Variants in CYP2W1 observed in about 807,000 individuals in gnomAD.
CYP2W1 encodes cytochrome P450 2W1.
In CYP2W1, 51 loss-of-function variants were observed where a neutral mutation model predicts 44.9. The observed-to-expected ratio is 1.14, with a 90% CI of 0.91 to 1.43. CYP2W1 has a LOEUF of 1.43. Ranked by LOEUF, CYP2W1 falls within the 40% of genes most tolerant of loss-of-function variation. The pLI, the probability that CYP2W1 is intolerant of heterozygous loss-of-function variation, is 0.00. For synonymous variants in CYP2W1, 383 were observed against 338.3 expected, an observed-to-expected ratio of 1.13 and a Z score of -1.45; for missense variants, 746 against 700.0, an observed-to-expected ratio of 1.07 and a Z score of -0.74.
At position 985,014 on chromosome 7, in the gene CYP2W1, C is replaced by G. The variant is rs1331293148; in HGVS notation, c.402C>G (p.His134Gln). ...GCCAGTTCACGGTGCGTGCCCTGCA[C>G]AGCCTGGGCGTGGGCCGGGAGCCGG... ...AARQFTVRAL[H>Q]SLGVGREPVA... Residue 134 changes from histidine to glutamine, a missense_variant, in exon 3 of 9, where the codon CAC (histidine) becomes CAG (glutamine). Physicochemically the swap from His to Gln is conservative, Grantham distance 24 (BLOSUM62 0). Transcript: ENST00000308919. 3 of 1,611,810 alleles carry G rather than the reference C, an allele frequency of 1.9e-6. No homozygotes were observed. The African/African-American group carries it at 4.0e-5, about 22-fold the overall frequency.
At chr7:983,928 G>A (rs1484762197) in intron 1 of CYP2W1, among the ~76,000 whole-genome samples, 1 of 152,208 alleles carries the variant, frequency 6.6e-6, no homozygotes, top group African/African-American at 2.4e-5. Flanking sequence ...AGGCAGGCAG[G>A]GTCAGTGGGA....
chr7:984,486 G>A lies in CYP2W1; in HGVS notation c.249G>A (p.Glu83=). 1.3e-6 allele frequency: 2 copies of A among 1,552,318 alleles called. No homozygotes were observed. Among genetic ancestry groups the A allele is most frequent in the East Asian group, 2.4e-5 (1 of 41,260 alleles). ...RQKTVVLTGF[E]AVKEALAGPG... is the part of the protein sequence containing the mutation. Reference sequence around the variant, plus strand: ...AGACGGTGGTGCTGACGGGGTTCGAGGCGGTCAAAGAGGCGCTGGCGGGCC... The same window carrying A: ...AGACGGTGGTGCTGACGGGGTTCGAAGCGGTCAAAGAGGCGCTGGCGGGCC... Residue 83 remains glutamate, a synonymous_variant, in exon 2 of 9, where the codon GAG becomes GAA. Transcript: ENST00000308919.
Position 983,369 on chromosome 7 carries a change from A to G in CYP2W1, c.158A>G (p.Asp53Gly). 2 of 1,525,682 alleles carry G rather than the reference A, an allele frequency of 1.3e-6. No individual in the cohort carries two copies. Among genetic ancestry groups the G allele is most frequent in the South Asian group, 2.4e-5 (2 of 82,896 alleles). 94.5% of individuals were successfully genotyped at this position (1,525,682 alleles called of 1,614,324 possible). ...CACTTGCTGCGTCTGTCGCAACAGG[A>G]CCGGTCCCTGATGGAGGTAAGTCAG... ...NLHLLRLSQQ[D>G]RSLMELSERY... Residue 53 changes from aspartate (D) to glycine (G), a missense_variant, in exon 1 of 9, where the codon GAC becomes GGC. Transcript: ENST00000308919.
At chr7:987,635 C>T in intron 7 of CYP2W1, 104 bp downstream of exon 7, 1 of 1,137,714 alleles carries the variant, frequency 8.8e-7, no homozygotes, top group Non-Finnish European at 1.2e-6. Flanking sequence ...GCCTGATGGC[C>T]CAGCGCTCCC....
In CYP2W1 at chr7:987,118, C is replaced by G; in HGVS notation, c.831C>G (p.Pro277=). 6.4e-7 allele frequency: 1 copy of G among 1,559,848 alleles called. No individual in the cohort carries two copies. The highest frequency in any genetic ancestry group is 1.2e-5 in the South Asian group (1 of 84,656). The change falls in exon 6 of 9, where the codon CCC becomes CCG. Residue 277 remains proline, a synonymous_variant. Coordinates refer to ENST00000308919, the MANE Select transcript of CYP2W1 (RefSeq NM_017781.3). ...CCACGCCTCTGCAGGGGGATGACCCCGAGGGCCTGTTTGCTGAGGCCAACG... is the reference window on the plus strand; with the variant it reads ...CCACGCCTCTGCAGGGGGATGACCCGGAGGGCCTGTTTGCTGAGGCCAACG... The part of the protein sequence containing the change: ...ALIQQGQGDD[P]EGLFAEANAV...
In CYP2W1 at chr7:987,334, C is replaced by T; in HGVS notation, c.959-13C>T. On this transcript the variant is annotated splice_polypyrimidine_tract_variant and intron_variant, in intron 6 of 8. Transcript: ENST00000308919. Reference sequence around the variant, plus strand: ...ATGGCGCTGCCACCCAAGCGGCCCACCCTTTGCCCCAGGCCGGGTGCAGGA... The same window carrying T: ...ATGGCGCTGCCACCCAAGCGGCCCATCCTTTGCCCCAGGCCGGGTGCAGGA... The T allele has an allele frequency of 6.4e-7, 1 of 1,566,374 alleles. No individual in the cohort carries two copies. Among genetic ancestry groups the T allele is most frequent in the East Asian group, 2.3e-5 (1 of 43,664 alleles).
rs1300101727 is a variant in CYP2W1 at position 988,997 on chromosome 7, C to G, written c.*175C>G. The G allele has an allele frequency of 1.9e-5, 11 of 567,624 alleles. No individual in the cohort carries two copies. The highest frequency in any genetic ancestry group is 3.1e-5 in the Non-Finnish European group (10 of 318,782). The allele number at this position is 567,624 out of a possible 1,614,324, so 35.2% of individuals were successfully genotyped here. A position where few individuals can be genotyped will look rare whatever the true frequency, so the allele number is the denominator to read the frequency against. ...GCTTCCGGTTACACCCAGGACTACC[C>G]CTGCCCGACCCTGTGGGACCCCCAC... On this transcript the variant is annotated 3_prime_UTR_variant, in exon 9 of 9. Transcript: ENST00000308919.
At chr7:985,625 G>A (rs1848280393) in intron 4 of CYP2W1, among the ~76,000 whole-genome samples, 3 of 152,028 alleles carry the variant, frequency 2.0e-5, no homozygotes, top group Admixed American at 6.5e-5. Flanking sequence ...CCAGAATTGC[G>A]GGGGGCTCCA....
Position 988,617 on chromosome 7 carries a change from C to T in CYP2W1, c.1286-18C>T, listed in dbSNP as rs747962014. Reference sequence around the variant, plus strand: ...CAGGCCTGGTGCAGCCCACTCTGTGCCTGGACATCCCCCGCAGGCCGCCGC... The same window carrying T: ...CAGGCCTGGTGCAGCCCACTCTGTGTCTGGACATCCCCCGCAGGCCGCCGC... On this transcript the variant is annotated intron_variant, in intron 8 of 8. Transcript: ENST00000308919. 13 of 1,603,728 alleles carry T rather than the reference C, an allele frequency of 8.1e-6. No homozygotes were observed. Among genetic ancestry groups the T allele is most frequent in the Non-Finnish European group, 1.0e-5 (12 of 1,178,948 alleles).
Position 986,798 on chromosome 7 carries a change from G to T in CYP2W1, c.819+1G>T. 2 of 1,553,550 alleles carry T rather than the reference G, an allele frequency of 1.3e-6. No homozygotes were observed. The highest frequency in any genetic ancestry group is 1.7e-6 in the Non-Finnish European group (2 of 1,149,230). ...GGACGCCCTGATCCAGCAGGGACAG[G>T]TGTGTCGGGACCCAAGACCTCCTTG... On this transcript the variant is annotated splice_donor_variant, in intron 5 of 8. Transcript: ENST00000308919. LOFTEE classifies it high-confidence loss of function.
At chr7:988,526 T>C (rs1213765504) in intron 8 of CYP2W1, 108 bp downstream of exon 8, 1 of 1,597,172 alleles carries the variant, frequency 6.3e-7, no homozygotes, top group East Asian at 2.2e-5. Context: ...TCTCAGGTTC[T>C]GAAGGCGGCT....
intron 8 of CYP2W1, 107 bp downstream of exon 8, chr7:988,525 C>T (rs1470196694): frequency 6.3e-7 from 1 of 1,596,920 alleles, no homozygotes; most frequent in Admixed American, 1.7e-5. Flanking sequence ...ATCTCAGGTT[C>T]TGAAGGCGGC....
intron 4 of CYP2W1, among the ~76,000 whole-genome samples, 190 bp downstream of exon 4, chr7:985,513 CCT>C (rs1050010540): frequency 1.4e-4 from 22 of 152,214 alleles, no homozygotes; most frequent in Admixed American, 1.2e-3. Context: ...CAAACCAGCC[CCT>C]GTGCTCTCCA....
chr7:985,479 C>T (rs533117812), intron 4 of CYP2W1, among the ~76,000 whole-genome samples, 156 bp downstream of exon 4: 12 of 152,172 alleles, frequency 7.9e-5, no homozygotes, highest in South Asian at 2.1e-4. Flanking sequence ...AGGACCCATC[C>T]GACGTTAGCT....
At position 989,068 on chromosome 7, in the gene CYP2W1, C is replaced by T. The variant is rs1562957836; in HGVS notation, c.*246C>T. On this transcript the variant is annotated 3_prime_UTR_variant, in exon 9 of 9. Coordinates refer to ENST00000308919, the MANE Select transcript of CYP2W1 (RefSeq NM_017781.3). Reference sequence around the variant, plus strand: ...CTCAGTCCCTGCCAGCCCCCAGGAGCGCCTCCAGGGCCCCGCCCACTCTCC... The same window carrying T: ...CTCAGTCCCTGCCAGCCCCCAGGAGTGCCTCCAGGGCCCCGCCCACTCTCC... The T allele has an allele frequency of 1.7e-5, 8 of 459,230 alleles. No homozygotes were observed. Among genetic ancestry groups the T allele is most frequent in the South Asian group, 1.1e-4 (2 of 17,746 alleles). The allele number at this position is 459,230 out of a possible 1,614,324, so 28.4% of individuals were successfully genotyped here. A position where few individuals can be genotyped will look rare whatever the true frequency, so the allele number is the denominator to read the frequency against.
chr7:983,192 GC>G lies in CYP2W1; in HGVS notation c.-18del. ...GGACGGGGCCCAGGAGGGGAGTGGAGCCTCACCAGCCACGTCCTCATGGCCC... is the reference window on the plus strand; with the variant it reads ...GGACGGGGCCCAGGAGGGGAGTGGAGCTCACCAGCCACGTCCTCATGGCCC... On this transcript the variant is annotated 5_prime_UTR_variant, in exon 1 of 9. Coordinates refer to ENST00000308919, the MANE Select transcript of CYP2W1 (RefSeq NM_017781.3). 6.8e-7 allele frequency: 1 copy of G among 1,468,156 alleles called. No individual in the cohort carries two copies. The highest frequency in any genetic ancestry group is 9.1e-7 in the Non-Finnish European group (1 of 1,100,772). The allele number at this position is 1,468,156 out of a possible 1,614,324, so 90.9% of individuals were successfully genotyped here.
chr7:983,430 C>G (rs921542687), intron 1 of CYP2W1, 45 bp downstream of exon 1: 1 of 1,401,576 alleles, frequency 7.1e-7, no homozygotes, highest in Non-Finnish European at 9.4e-7. Flanking sequence ...GGACAGCTGC[C>G]GTGTCCTGGC....
In CYP2W1 at chr7:988,351, C is replaced by T; in HGVS notation, c.1218C>T (p.Asn406=). Residue 406 remains asparagine (N), a synonymous_variant, in exon 8 of 9, where the codon AAC becomes AAT. Transcript: ENST00000308919. The part of the protein sequence containing the change: ...ETQWQTPGQF[N]PGHFLDANGH... ...AGTGGCAGACCCCAGGCCAGTTCAA[C>T]CCCGGCCATTTCCTGGACGCGAATG... The T allele has an allele frequency of 6.2e-7, 1 of 1,612,648 alleles. No individual in the cohort carries two copies. The highest frequency in any genetic ancestry group is 8.5e-7 in the Non-Finnish European group (1 of 1,179,798).
intron 1 of CYP2W1, among the ~76,000 whole-genome samples, chr7:983,867 G>A (rs1366253016): frequency 6.6e-6 from 1 of 152,224 alleles, no homozygotes; most frequent in South Asian, 2.1e-4. Flanking sequence ...CAGAGGGTAC[G>A]GGGACACGGC....
Sources: allele counts gnomAD v4.1 joint callset (sites outside exome capture counted in the v4.1 genomes callset), GRCh38; gene constraint gnomAD v4.1.1; transcripts MANE v1.5; gene names NCBI Gene and HGNC (gene_info 2026-07-23, HGNC 2026-07-21).